The following LDB2 variants were observed in gnomAD, a reference collection of about 807,000 sequenced individuals.
The protein encoded by LDB2 is LIM domain-binding protein 2.
In LDB2, 12 loss-of-function variants were observed where a neutral mutation model predicts 44.3. The ratio of observed to expected loss-of-function variants is 0.27; its 90% CI spans 0.17 to 0.44. LDB2 has a LOEUF of 0.44. LDB2 is among the 20% of genes least tolerant of loss of function. LDB2 has a pLI of 1.00. For synonymous variants in LDB2, 164 were observed against 174.8 expected (o/e 0.94, Z 0.49); for missense variants, 344 against 473.5 (o/e 0.73, Z 2.54).
chr4:16,617,289 T>TA (rs1216214264), intron 2 of LDB2, among the ~76,000 whole-genome samples: 57 of 151,698 alleles, frequency 3.8e-4, no homozygotes, highest in African/African-American at 1.4e-3. Flanking sequence ...AGTGGAATAC[T>TA]GAAAACCCTC....
intron 2 of LDB2, chr4:16,726,460 C>T (rs933362715): frequency 6.7e-6 from 1 of 149,680 alleles, no homozygotes; most frequent in African/African-American, 2.6e-5. Flanking sequence ...TATTTTAGTA[C>T]ATGCAAAATA....
At chr4:16,889,598 T>G (rs1722762922) in intron 1 of LDB2, among the ~76,000 whole-genome samples, 1 of 152,186 alleles carries the variant, frequency 6.6e-6, no homozygotes, top group African/African-American at 2.4e-5. Context: ...TTGGTAAGAC[T>G]TGGGGAAAAT....
chr4:16,720,108 G>T (rs1757935521), intron 2 of LDB2, among the ~76,000 whole-genome samples: 1 of 152,024 alleles, frequency 6.6e-6, no homozygotes, highest in African/African-American at 2.4e-5. Flanking sequence ...CTGATGTGAT[G>T]GTTGATTTTA....
chr4:16,538,821 T>C (rs1230270868), intron 5 of LDB2, among the ~76,000 whole-genome samples: 1 of 152,222 alleles, frequency 6.6e-6, no homozygotes, highest in East Asian at 1.9e-4. Flanking sequence ...AGTCTGCATG[T>C]ATTTTTAATT....
intron 5 of LDB2, among the ~76,000 whole-genome samples, chr4:16,556,389 G>A (rs1355318534): frequency 6.6e-6 from 1 of 152,204 alleles, no homozygotes; most frequent in Non-Finnish European, 1.5e-5. Context: ...AGCTTGGTGA[G>A]AGCAAGCAAT....
intron 1 of LDB2, among the ~76,000 whole-genome samples, chr4:16,788,984 T>G (rs894916324): frequency 1.3e-5 from 2 of 151,266 alleles, no homozygotes; most frequent in Admixed American, 6.6e-5. Context: ...TGCTATGGGG[T>G]TTTTTTTTCT....
chr4:16,854,952 T>C (rs2110211803), intron 1 of LDB2, among the ~76,000 whole-genome samples: 1 of 152,014 alleles, frequency 6.6e-6, no homozygotes, highest in South Asian at 2.1e-4. Context: ...TCAAAGATCA[T>C]TTATATATAA....
At chr4:16,692,565 T>G (rs189540356) in intron 2 of LDB2, among the ~76,000 whole-genome samples, 2 of 152,312 alleles carry the variant, frequency 1.3e-5, no homozygotes, top group East Asian at 1.9e-4. Context: ...AAAATACTTT[T>G]TTTTTCCTCT....
intron 2 of LDB2, among the ~76,000 whole-genome samples, chr4:16,678,016 G>A (rs912275108): frequency 5.3e-5 from 8 of 152,142 alleles, no homozygotes; most frequent in South Asian, 2.1e-4. Flanking sequence ...GATTATGAGC[G>A]GTATTGGTGA....
chr4:16,851,523 G>A (rs1393920735), intron 1 of LDB2, among the ~76,000 whole-genome samples: 1 of 151,926 alleles, frequency 6.6e-6, no homozygotes, highest in Non-Finnish European at 1.5e-5. Flanking sequence ...GAAACCAGGA[G>A]GTGGAGGTTG....
At chr4:16,851,033 G>C (rs1420853057) in intron 1 of LDB2, among the ~76,000 whole-genome samples, 1 of 150,696 alleles carries the variant, frequency 6.6e-6, no homozygotes, top group Non-Finnish European at 1.5e-5. Context: ...GGGAAAACTT[G>C]TTCAGAAGGG....
At chr4:16,748,178 ATAAT>A (rs1014125565) in intron 2 of LDB2, among the ~76,000 whole-genome samples, 1 of 152,178 alleles carries the variant, frequency 6.6e-6, no homozygotes, top group Non-Finnish European at 1.5e-5. Flanking sequence ...CTTCAGAATG[ATAAT>A]TAGTGTCATC....
intron 2 of LDB2, among the ~76,000 whole-genome samples, chr4:16,740,068 T>C (rs998718263): frequency 1.4e-4 from 21 of 151,894 alleles, no homozygotes; most frequent in Admixed American, 1.4e-3. Flanking sequence ...TACAATCACA[T>C]GGTACAATTA....
intron 2 of LDB2, among the ~76,000 whole-genome samples, chr4:16,621,570 A>G (rs1728889681): frequency 6.6e-6 from 1 of 152,080 alleles, no homozygotes; most frequent in African/African-American, 2.4e-5. Flanking sequence ...ACTTTTTTTC[A>G]GAGACAGGGT....
intron 1 of LDB2, among the ~76,000 whole-genome samples, chr4:16,797,936 G>A (rs1777057298): frequency 6.6e-6 from 1 of 151,304 alleles, no homozygotes; most frequent in Non-Finnish European, 1.5e-5. Context: ...TTGGGAGGCT[G>A]AGGCAGGAGA....
chr4:16,672,571 C>A (rs1745080689), intron 2 of LDB2, among the ~76,000 whole-genome samples: 1 of 152,068 alleles, frequency 6.6e-6, no homozygotes, highest in Admixed American at 6.6e-5. Flanking sequence ...CTTTCTTGCT[C>A]CTTATTAAAA....
chr4:16,735,219 G>A (rs563169620), intron 2 of LDB2, among the ~76,000 whole-genome samples: 1 of 152,186 alleles, frequency 6.6e-6, no homozygotes, highest in East Asian at 1.9e-4. Flanking sequence ...AATGCTGCCC[G>A]CAGTCCCCTG....
chr4:16,812,380 A>C (rs1175200456), intron 1 of LDB2, among the ~76,000 whole-genome samples: 1 of 152,076 alleles, frequency 6.6e-6, no homozygotes, highest in Non-Finnish European at 1.5e-5. Context: ...CACAGATATT[A>C]ATTCTGTAGT....
chr4:16,625,172 G>T (rs1560675181), intron 2 of LDB2, among the ~76,000 whole-genome samples: 1 of 152,058 alleles, frequency 6.6e-6, no homozygotes, highest in Non-Finnish European at 1.5e-5. Context: ...AGTCCCTGCA[G>T]CCCACCCCAC....
Sources: allele counts gnomAD v4.1 joint callset (sites outside exome capture counted in the v4.1 genomes callset), GRCh38; gene constraint gnomAD v4.1.1; transcripts MANE v1.5; gene names NCBI Gene and HGNC (gene_info 2026-07-23, HGNC 2026-07-21).